Variants in EXOC4 observed in about 807,000 individuals in gnomAD.
The protein encoded by EXOC4 is exocyst complex component 4, also known as SEC8-like 1.
A neutral mutation model predicts 107.2 loss-of-function variants in EXOC4; 71 were observed. The ratio of observed to expected loss-of-function variants is 0.66; its 90% CI spans 0.55 to 0.81. EXOC4 has a LOEUF of 0.81. Ranked by LOEUF, EXOC4 falls within the 30% of genes least tolerant of loss-of-function variation. The pLI is 0.00. For missense variants in EXOC4, 1,108 were observed against 1,189.6 expected (o/e 0.93, Z 1.01); for synonymous variants, 456 against 441.2 (o/e 1.03, Z -0.42).
chr7:133,296,733 G>T (rs1031115083), intron 3 of EXOC4, among the ~76,000 whole-genome samples: 3 of 151,200 alleles, frequency 2.0e-5, no homozygotes, highest in Non-Finnish European at 3.0e-5. Context: ...CTATTCATTT[G>T]CCTCTTTTAA....
chr7:133,493,882 T>C (rs1176724958), intron 9 of EXOC4, among the ~76,000 whole-genome samples: 1 of 152,192 alleles, frequency 6.6e-6, no homozygotes, highest in African/African-American at 2.4e-5. Flanking sequence ...TTAATGGCCA[T>C]GATGAACGTG....
At chr7:133,855,056 T>A (rs1472035222) in intron 11 of EXOC4, among the ~76,000 whole-genome samples, 63 of 67,898 alleles carry the variant, frequency 9.3e-4, no homozygotes, top group African/African-American at 6.8e-3. Context: ...TATCTAAATA[T>A]ATCTAAATAT....
intron 9 of EXOC4, among the ~76,000 whole-genome samples, chr7:133,495,143 T>C (rs1197312834): frequency 6.6e-6 from 1 of 151,818 alleles, no homozygotes; most frequent in Non-Finnish European, 1.5e-5. Context: ...TCCCAGCTAC[T>C]AGGGAGGCTG....
intron 10 of EXOC4, among the ~76,000 whole-genome samples, chr7:133,814,131 C>G (rs938131180): frequency 1.3e-5 from 2 of 152,178 alleles, no homozygotes; most frequent in Non-Finnish European, 2.9e-5. Context: ...TTCTACTCCT[C>G]TCCCAGACCT....
chr7:133,873,776 C>G (rs1262568828), intron 11 of EXOC4, among the ~76,000 whole-genome samples: 2 of 152,164 alleles, frequency 1.3e-5, no homozygotes, highest in Non-Finnish European at 2.9e-5. Flanking sequence ...TTGTCTCCTT[C>G]CCAGGGTGTA....
Position 133,288,945 on chromosome 7 carries a change from C to T in EXOC4, c.300C>T (p.Cys100=). Residue 100 remains cysteine (C), a synonymous_variant, in exon 3 of 18, where the codon TGC becomes TGT. Coordinates refer to ENST00000253861, the MANE Select transcript of EXOC4 (RefSeq NM_021807.4). ...AGGTAAAAGAGAACCTGCTTTCATG[C>T]AAGATGCTGCTGCACTGCAAACGGG... ...IKQVKENLLS[C]KMLLHCKRDE... The T allele has an allele frequency of 6.2e-7, 1 of 1,614,114 alleles. No homozygotes were observed. The highest frequency in any genetic ancestry group is 8.5e-7 in the Non-Finnish European group (1 of 1,179,984).
At chr7:133,991,360 G>C (rs1794255945) in intron 14 of EXOC4, among the ~76,000 whole-genome samples, 1 of 151,832 alleles carries the variant, frequency 6.6e-6, no homozygotes, top group Non-Finnish European at 1.5e-5. Flanking sequence ...TCCCTTGCCA[G>C]GTATATACTT....
At chr7:133,699,809 G>A (rs1172934905) in intron 10 of EXOC4, among the ~76,000 whole-genome samples, 2 of 152,236 alleles carry the variant, frequency 1.3e-5, no homozygotes, top group East Asian at 3.9e-4. Context: ...CTGAAACATT[G>A]AACATTCACT....
intron 17 of EXOC4, among the ~76,000 whole-genome samples, chr7:134,053,166 A>C (rs539464240): frequency 6.6e-6 from 1 of 151,058 alleles, no homozygotes; most frequent in Non-Finnish European, 1.5e-5. Context: ...TGAACCCGGG[A>C]GGCGGAGCTT....
intron 10 of EXOC4, among the ~76,000 whole-genome samples, chr7:133,811,283 T>C (rs1209284902): frequency 6.6e-6 from 1 of 152,212 alleles, no homozygotes; most frequent in Non-Finnish European, 1.5e-5. Context: ...AGTATTTTCT[T>C]TTCTAATGAG....
At chr7:133,802,154 T>C (rs949592444) in intron 10 of EXOC4, among the ~76,000 whole-genome samples, 1 of 152,200 alleles carries the variant, frequency 6.6e-6, no homozygotes, top group African/African-American at 2.4e-5. Flanking sequence ...GTGGACTAAT[T>C]AGGAACCAGA....
intron 9 of EXOC4, among the ~76,000 whole-genome samples, chr7:133,529,540 C>A (rs994470266): frequency 6.6e-6 from 1 of 152,158 alleles, no homozygotes; most frequent in African/African-American, 2.4e-5. Flanking sequence ...ATTATTATCT[C>A]ATTTTGTAGA....
chr7:133,645,437 C>T (rs1002130438), intron 10 of EXOC4, among the ~76,000 whole-genome samples: 1 of 151,936 alleles, frequency 6.6e-6, no homozygotes, highest in African/African-American at 2.4e-5. Context: ...TGGTCCCTTT[C>T]CTTTTCCTCT....
intron 17 of EXOC4, among the ~76,000 whole-genome samples, chr7:134,025,430 C>T (rs1286662763): frequency 6.6e-6 from 1 of 152,182 alleles, no homozygotes; most frequent in African/African-American, 2.4e-5. Context: ...TAAATCATCC[C>T]AAAGCGCAGT....
intron 9 of EXOC4, among the ~76,000 whole-genome samples, chr7:133,506,285 G>A (rs1049376262): frequency 4.6e-5 from 7 of 152,070 alleles, no homozygotes; most frequent in South Asian, 2.1e-4. Context: ...ATAATCATTA[G>A]TGATATTAAA....
At chr7:133,556,744 G>A (rs759907981) in intron 9 of EXOC4, among the ~76,000 whole-genome samples, 2 of 152,138 alleles carry the variant, frequency 1.3e-5, no homozygotes, top group East Asian at 3.8e-4. Context: ...TTTTCTGTGG[G>A]TGTTGTTGAA....
chr7:133,616,884 A>G (rs983164839), intron 9 of EXOC4, among the ~76,000 whole-genome samples: 1 of 152,148 alleles, frequency 6.6e-6, no homozygotes, highest in African/African-American at 2.4e-5. Context: ...AAACCATTGG[A>G]CAGAATATAT....
chr7:133,803,405 C>T (rs1796994404), intron 10 of EXOC4, among the ~76,000 whole-genome samples: 1 of 152,022 alleles, frequency 6.6e-6, no homozygotes, highest in Non-Finnish European at 1.5e-5. Flanking sequence ...CTGTCTCTTG[C>T]TTGCATATTC....
intron 7 of EXOC4, among the ~76,000 whole-genome samples, chr7:133,437,490 T>C (rs1158243954): frequency 6.6e-6 from 1 of 152,238 alleles, no homozygotes; most frequent in Non-Finnish European, 1.5e-5. Flanking sequence ...GAAGAATGCC[T>C]GTGACCTCAT....
Sources: gnomAD v4.1 joint callset for allele counts (sites outside exome capture counted in the v4.1 genomes callset) on GRCh38, gnomAD v4.1.1 for gene constraint, MANE v1.5 for transcripts, NCBI Gene and HGNC (gene_info 2026-07-23, HGNC 2026-07-21) for gene names.